USH1C: variants seen among roughly 807,000 people sequenced by gnomAD.
USH1C encodes USH1 protein network component harmonin.
A neutral mutation model predicts 119.3 loss-of-function variants in USH1C; 90 were observed. The observed-to-expected ratio is 0.75, with a 90% CI of 0.64 to 0.90. The LOEUF is 0.90. Among genes scored for constraint, USH1C ranks in the 40% least tolerant of loss-of-function variants. The pLI, the probability that USH1C is intolerant of heterozygous loss-of-function variation, is 0.00. For missense variants in USH1C, 1,165 were observed against 1,167.7 expected (o/e 1.00, Z 0.03); for synonymous variants, 465 against 443.3 (o/e 1.05, Z -0.62).
intron 17 of USH1C, 90 bp downstream of exon 17, chr11:17,510,315 T>C: frequency 9.4e-7 from 1 of 1,060,724 alleles, no homozygotes; most frequent in Admixed American, 1.8e-5. Flanking sequence ...TAGTGACGTT[T>C]GCTAGTTGTC....
At chr11:17,540,685 G>T (rs528852500) in intron 1 of USH1C, among the ~76,000 whole-genome samples, 1 of 152,166 alleles carries the variant, frequency 6.6e-6, no homozygotes, top group Admixed American at 6.5e-5. Context: ...CTCTTTCTAC[G>T]CTCGCAGCCA....
rs1216768494 is a variant in USH1C at position 17,531,306 on chromosome 11, G to A, written c.249-14C>T. ...TCCTTCAGCTTCCTGCCACACAGGAGAGGTCGGTGATGGTGCAGCTTGGCT... is the reference window on the plus strand; with the variant it reads ...TCCTTCAGCTTCCTGCCACACAGGAAAGGTCGGTGATGGTGCAGCTTGGCT... On this transcript the variant is annotated splice_polypyrimidine_tract_variant and intron_variant, in intron 3 of 26. Coordinates refer to ENST00000005226, the MANE Select transcript of USH1C (RefSeq NM_153676.4). The surrounding 1 kb of genome is among the most constrained non-coding windows in gnomAD (Gnocchi z 4.2). The A allele has an allele frequency of 3.1e-6, 5 of 1,614,190 alleles. No homozygotes were observed. In the South Asian group the frequency reaches 5.5e-5, roughly 18 times the overall value.
chr11:17,526,323 C>T (rs1850668997), intron 8 of USH1C, 24 bp downstream of exon 8: 2 of 1,604,684 alleles, frequency 1.2e-6, no homozygotes, highest in Non-Finnish European at 8.5e-7. Flanking sequence ...CCACGAATGA[C>T]CCCAGGGCAT....
rs547152768 is a variant in USH1C at position 17,501,650 on chromosome 11, G to C, written c.2227-115C>G. On this transcript the variant is annotated intron_variant, in intron 21 of 26. Transcript: ENST00000005226. ...GACACTGGGCCCCACAGAGCACATG[G>C]GCAAGGGGACCGTGCCCAGCCCCAC... 7.8e-6 allele frequency: 10 copies of C among 1,278,772 alleles called. No homozygotes were observed. The South Asian group carries it at 1.1e-4, about 15-fold the overall frequency. The allele number at this position is 1,278,772 out of a possible 1,614,324, so 79.2% of individuals were successfully genotyped here.
At position 17,494,015 on chromosome 11, in the gene USH1C, G is replaced by T. The variant is rs1174575768; in HGVS notation, c.*317C>A. ...ATGGAGAGAGAGAGACTCCAGTGGG[G>T]TCTTATTAGGGTTCAAGGAAGGAGT... On this transcript the variant is annotated 3_prime_UTR_variant, in exon 27 of 27. Transcript: ENST00000005226. 2.2e-6 allele frequency: 1 copy of T among 453,564 alleles called. No homozygotes were observed. Among genetic ancestry groups the T allele is most frequent in the East Asian group, 4.3e-5 (1 of 23,060 alleles). The allele number at this position is 453,564 out of a possible 1,614,324, so 28.1% of individuals were successfully genotyped here.
At chr11:17,495,226 G>A (rs567164883) in intron 26 of USH1C, 36 of 364,758 alleles carry the variant, frequency 9.9e-5, no homozygotes, top group Non-Finnish European at 1.6e-4. Flanking sequence ...TGCCTGGTTC[G>A]AGGCATTGTC....
intron 1 of USH1C, among the ~76,000 whole-genome samples, chr11:17,534,930 G>A (rs7109635): frequency 0.023 from 3,403 of 149,856 alleles, 45 homozygotes; most frequent in Admixed American, 0.049. Context: ...GCATCTGCTT[G>A]AGTGGGTGGT....
chr11:17,522,724 G>T, intron 12 of USH1C, 60 bp downstream of exon 12: 2 of 1,611,556 alleles, frequency 1.2e-6, no homozygotes, highest in Admixed American at 3.3e-5. Flanking sequence ...AAGCAAGCTA[G>T]GTGGGGTCGT....
At position 17,496,760 on chromosome 11, in the gene USH1C, C is replaced by G; in HGVS notation, c.2544G>C (p.Glu848Asp). 1 of 1,614,216 alleles carries G rather than the reference C, an allele frequency of 6.2e-7. No homozygotes were observed. The change falls in exon 25 of 27, where the codon GAG becomes GAC. Residue 848 changes from glutamate to aspartate, a missense_variant and splice_region_variant. Glu to Asp is a conservative substitution (Grantham distance 45). Transcript: ENST00000005226. Reference sequence around the variant, plus strand: ...GCTAGGTGCTTGCACACACTTACAGCTCATCGTCATACTCCTTTGGGGGGC... The same window carrying G: ...GCTAGGTGCTTGCACACACTTACAGGTCATCGTCATACTCCTTTGGGGGGC... ...AVCPPKEYDD[E>D]LASLPSSVAE...
chr11:17,520,836 C>G (rs1248201772), intron 14 of USH1C, 34 bp downstream of exon 14: 1 of 1,613,758 alleles, frequency 6.2e-7, no homozygotes, highest in Non-Finnish European at 8.5e-7. Flanking sequence ...CTGACTAGTT[C>G]CCTTAGCCTC....
rs1229249579 is a variant in USH1C at position 17,522,820 on chromosome 11, T to C, written c.983A>G (p.Asn328Ser). Residue 328 changes from asparagine to serine, a missense_variant, in exon 12 of 27, where the codon AAC (asparagine) becomes AGC (serine). Asn to Ser is a conservative substitution (Grantham distance 46, BLOSUM62 1). Transcript: ENST00000005226. ...CTCCTGCTGCTCCTGGAGGATCTTG[T>C]TGGACTCCATCGCCAGCCGCTTCTG... is the stretch of plus-strand genomic sequence containing the variant. ...LMQKRLAMESNKILQEQQEME... is the reference protein window; with the variant it reads ...LMQKRLAMESSKILQEQQEME... The C allele has an allele frequency of 2.5e-6, 4 of 1,613,962 alleles. No homozygotes were observed. Among genetic ancestry groups the C allele is most frequent in the Admixed American group, 3.3e-5 (2 of 60,028 alleles).
At chr11:17,502,589 T>G (rs1849489143) in intron 20 of USH1C, among the ~76,000 whole-genome samples, 1 of 152,176 alleles carries the variant, frequency 6.6e-6, no homozygotes, top group Non-Finnish European at 1.5e-5. Flanking sequence ...GTAAGAGGCC[T>G]CCCCAGATTC....
chr11:17,496,840 G>C (rs761094829), intron 24 of USH1C, 27 bp from the exon 25 acceptor site: 2 of 1,613,660 alleles, frequency 1.2e-6, no homozygotes, highest in South Asian at 2.2e-5. Context: ...TGTGACTCTG[G>C]GGCACACTCA....
intron 1 of USH1C, among the ~76,000 whole-genome samples, chr11:17,542,503 C>T (rs946138747): frequency 1.3e-5 from 2 of 152,204 alleles, no homozygotes; most frequent in Non-Finnish European, 2.9e-5. Context: ...ATGACTGTTG[C>T]GATGAGGAAG....
chr11:17,499,885 G>A (rs1203807449), intron 23 of USH1C, among the ~76,000 whole-genome samples: 1 of 152,176 alleles, frequency 6.6e-6, no homozygotes, highest in Admixed American at 6.5e-5. Flanking sequence ...TTATGGTACA[G>A]CCTGGCTCCA....
chr11:17,512,863 G>C (rs1849955447), intron 15 of USH1C, among the ~76,000 whole-genome samples: 1 of 152,166 alleles, frequency 6.6e-6, no homozygotes, highest in Non-Finnish European at 1.5e-5. Context: ...TTTGGGGAGG[G>C]ACATGAAAGG....
In USH1C at chr11:17,527,023, C is replaced by T. The variant is rs748703138; in HGVS notation, c.514G>A (p.Val172Met). Residue 172 changes from valine (V) to methionine (M), a missense_variant, in exon 6 of 27, where the codon GTG becomes ATG. Physicochemically the swap from Val to Met is conservative, Grantham distance 21. Coordinates refer to ENST00000005226, the MANE Select transcript of USH1C (RefSeq NM_153676.4). ...AGAGGAGGGGCCTCTCACCTTTTCA[C>T]GGGGATCAGGCCGATGTCTGCGGGA... is the stretch of plus-strand genomic sequence containing the variant. ...IKVRHIGLIP[V>M]KSSPDEPLTW... 5 of 1,560,864 alleles carry T rather than the reference C, an allele frequency of 3.2e-6. No homozygotes were observed. Among genetic ancestry groups the T allele is most frequent in the East Asian group, 2.4e-5 (1 of 42,014 alleles).
In USH1C at chr11:17,518,215, C is replaced by T. The variant is rs1012202970; in HGVS notation, c.1211-1925G>A. Among the ~76,000 whole-genome samples the T allele has an allele frequency of 3.9e-5, 6 of 152,214 alleles. No individual in the cohort carries two copies. The East Asian group carries it at 1.2e-3, about 29-fold the overall frequency. On this transcript the variant is annotated intron_variant, in intron 14 of 26. Transcript: ENST00000005226. ...TGGCTCTTGGCTCAAATTACATTTA[C>T]CCAACAGTGGAACCCTGATGCTCCC... is the stretch of plus-strand genomic sequence containing the variant.
chr11:17,513,768 C>T (rs1591986550), intron 15 of USH1C, among the ~76,000 whole-genome samples: 1 of 152,076 alleles, frequency 6.6e-6, no homozygotes, highest in East Asian at 1.9e-4. Flanking sequence ...AGAGTAAGAG[C>T]CTGGCCTCCT....
Sources: allele counts gnomAD v4.1 joint callset (sites outside exome capture counted in the v4.1 genomes callset), GRCh38; gene constraint gnomAD v4.1.1; non-coding constraint Gnocchi (gnomAD v3.1); transcripts MANE v1.5; gene names NCBI Gene and HGNC (gene_info 2026-07-23, HGNC 2026-07-21).